ADGRV1: variants seen among roughly 807,000 people sequenced by gnomAD.
ADGRV1 encodes adhesion G protein-coupled receptor V1.
Under a neutral mutation model 596.2 loss-of-function variants are expected in ADGRV1, and 359 were observed. That is an observed-to-expected ratio of 0.60 (90% CI 0.55 to 0.66). The LOEUF (loss-of-function observed/expected upper bound fraction) is 0.66. ADGRV1 is among the 30% of genes least tolerant of loss of function. ADGRV1 has a pLI of 0.00. For synonymous variants in ADGRV1, 2,681 were observed against 2,679.2 expected, an observed-to-expected ratio of 1.00 and a Z score of -0.02; for missense variants, 7,274 against 7,575.6, an observed-to-expected ratio of 0.96 and a Z score of 1.48.
intron 65 of ADGRV1, among the ~76,000 whole-genome samples, chr5:90,781,991 C>T (rs1411550269): frequency 6.6e-6 from 1 of 152,014 alleles, no homozygotes; most frequent in African/African-American, 2.4e-5. Context: ...TATCTGGATC[C>T]TTGATCTTGC....
intron 70 of ADGRV1, among the ~76,000 whole-genome samples, chr5:90,793,650 A>T (rs1760335097): frequency 6.6e-6 from 1 of 152,190 alleles, no homozygotes; most frequent in Non-Finnish European, 1.5e-5. Flanking sequence ...TTTTCATTTC[A>T]TTTGAAAGCT....
rs1580887937 is a variant in ADGRV1 at position 90,725,579 on chromosome 5, C to G, written c.10084C>G (p.Gln3362Glu). 6.3e-7 allele frequency: 1 copy of G among 1,576,418 alleles called. No individual in the cohort carries two copies. The highest frequency in any genetic ancestry group is 8.7e-7 in the Non-Finnish European group (1 of 1,146,494). Reference protein sequence around the residue: ...VQTIIILESSQVRYFTSDSQD... With the variant: ...VQTIIILESSEVRYFTSDSQD... Reference sequence around the variant, plus strand: ...AACAATCATTATTCTGGAAAGTTCTCAAGTAAGATATTTTACTTCAGACAG... The same window carrying G: ...AACAATCATTATTCTGGAAAGTTCTGAAGTAAGATATTTTACTTCAGACAG... The change falls in exon 48 of 90, where the codon CAA becomes GAA. Residue 3362 changes from glutamine (Q) to glutamate (E), a missense_variant. Gln to Glu is a conservative substitution (Grantham distance 29). This residue lies in a region of ADGRV1 where 3,643 missense variants were observed against 3,809.2 expected (regional missense o/e 0.96). Transcript: ENST00000405460.
intron 86 of ADGRV1, among the ~76,000 whole-genome samples, chr5:91,083,402 A>G (rs1449995358): frequency 6.6e-6 from 1 of 152,170 alleles, no homozygotes; most frequent in African/African-American, 2.4e-5. Context: ...AATAAAAAGA[A>G]AAAAAATTAA....
intron 87 of ADGRV1, among the ~76,000 whole-genome samples, chr5:91,144,169 C>T (rs1795342010): frequency 6.6e-6 from 1 of 152,146 alleles, no homozygotes; most frequent in Non-Finnish European, 1.5e-5. Flanking sequence ...CTGCTGCCAG[C>T]CCCCCACCAG....
At chr5:91,123,535 C>T (rs1793504419) in intron 87 of ADGRV1, among the ~76,000 whole-genome samples, 1 of 152,138 alleles carries the variant, frequency 6.6e-6, no homozygotes, top group Non-Finnish European at 1.5e-5. Context: ...ATGACCTAAT[C>T]ACCTCCTAAG....
intron 70 of ADGRV1, among the ~76,000 whole-genome samples, chr5:90,795,328 A>G (rs1760574671): frequency 6.6e-6 from 1 of 152,178 alleles, no homozygotes; most frequent in African/African-American, 2.4e-5. Context: ...AGGAGCGTCC[A>G]CCATGGCTGA....
chr5:90,691,390 T>TC (rs1382008318), intron 31 of ADGRV1, among the ~76,000 whole-genome samples: 3 of 149,334 alleles, frequency 2.0e-5, no homozygotes, highest in Admixed American at 6.7e-5. Context: ...TTTTCTTTTT[T>TC]TTTTTTTTTT....
chr5:90,845,600 G>T (rs1254181066), intron 78 of ADGRV1, among the ~76,000 whole-genome samples: 1 of 150,348 alleles, frequency 6.7e-6, no homozygotes, highest in Non-Finnish European at 1.5e-5. Context: ...TTTCTGGTAT[G>T]ATTTTTTTTT....
In ADGRV1 at chr5:90,679,608, C is replaced by T. The variant is rs1488660601; in HGVS notation, c.5503C>T (p.Leu1835Phe). The change falls in exon 26 of 90, where the codon CTT becomes TTT. Residue 1835 changes from leucine (L) to phenylalanine (F), a missense_variant. By Grantham distance (22) the Leu-to-Phe change is conservative. This residue lies in a region of ADGRV1 where 3,643 missense variants were observed against 3,809.2 expected (regional missense o/e 0.96). Coordinates refer to ENST00000405460, the MANE Select transcript of ADGRV1 (RefSeq NM_032119.4). ...TGGTGATGGGGACATGGAATTCTTC[C>T]TTCCAACTATTCACAAACGTGGTAA... Reference protein sequence around the residue: ...GSGDGDMEFFLPTIHKRASLG... With the variant: ...GSGDGDMEFFFPTIHKRASLG... The T allele has an allele frequency of 6.2e-7, 1 of 1,613,362 alleles. No homozygotes were observed. The highest frequency in any genetic ancestry group is 1.7e-5 in the Admixed American group (1 of 59,978).
Position 90,694,256 on chromosome 5 carries a change from G to T in ADGRV1, c.7500G>T (p.Gly2500=), listed in dbSNP as rs1205816831. Residue 2500 remains glycine (G), a synonymous_variant, in exon 33 of 90, where the codon GGG becomes GGT. Transcript: ENST00000405460. ...ASLFSGQAVA[G]SDYEPVTRQW... ...TTTTTAGTGGTCAGGCTGTGGCTGG[G>T]AGTGACTATGAGCCTGTGACAAGGC... is the stretch of plus-strand genomic sequence containing the variant. The T allele has an allele frequency of 9.9e-6, 16 of 1,613,864 alleles. No individual in the cohort carries two copies.
At chr5:90,770,675 A>G (rs909573496) in intron 59 of ADGRV1, among the ~76,000 whole-genome samples, 1 of 152,140 alleles carries the variant, frequency 6.6e-6, no homozygotes, top group South Asian at 2.1e-4. Flanking sequence ...CTGTAAAAAT[A>G]TATGTGCTCA....
intron 85 of ADGRV1, among the ~76,000 whole-genome samples, chr5:91,004,825 G>A (rs986261926): frequency 1.6e-4 from 24 of 152,116 alleles, no homozygotes; most frequent in Non-Finnish European, 1.6e-4. Flanking sequence ...AGATAGAAGC[G>A]AGGGGGAGGG....
chr5:90,880,446 G>C (rs1248718907), intron 83 of ADGRV1, among the ~76,000 whole-genome samples: 1 of 152,174 alleles, frequency 6.6e-6, no homozygotes, highest in African/African-American at 2.4e-5. Flanking sequence ...TTTGAGCAAA[G>C]AAAACATCAG....
At chr5:91,079,866 G>A (rs1025693391) in intron 86 of ADGRV1, among the ~76,000 whole-genome samples, 1 of 152,122 alleles carries the variant, frequency 6.6e-6, no homozygotes, top group East Asian at 1.9e-4. Context: ...ATAGAGCATG[G>A]ATATGGGACG....
intron 83 of ADGRV1, among the ~76,000 whole-genome samples, chr5:90,929,816 T>G (rs950799579): frequency 6.6e-6 from 1 of 152,240 alleles, no homozygotes; most frequent in Non-Finnish European, 1.5e-5. Flanking sequence ...TGACTACCTT[T>G]AAGTTGTTGA....
At chr5:90,817,502 G>A (rs1763018588) in intron 75 of ADGRV1, among the ~76,000 whole-genome samples, 1 of 151,546 alleles carries the variant, frequency 6.6e-6, no homozygotes, top group Admixed American at 6.6e-5. Context: ...CCTGTGTCCT[G>A]AATGGTAATG....
intron 87 of ADGRV1, among the ~76,000 whole-genome samples, chr5:91,148,481 G>A (rs1296496532): frequency 6.6e-6 from 1 of 152,208 alleles, no homozygotes; most frequent in Non-Finnish European, 1.5e-5. Flanking sequence ...TCCACATGGT[G>A]CTGGTCCTGT....
chr5:90,667,750 G>T (rs1410203636), intron 21 of ADGRV1, among the ~76,000 whole-genome samples: 1 of 152,170 alleles, frequency 6.6e-6, no homozygotes, highest in Non-Finnish European at 1.5e-5. Context: ...TTTATCTACT[G>T]TTGGTCTTTG....
At chr5:91,061,279 C>A (rs1420370550) in intron 85 of ADGRV1, among the ~76,000 whole-genome samples, 1 of 152,156 alleles carries the variant, frequency 6.6e-6, no homozygotes, top group East Asian at 1.9e-4. Context: ...GGGCTTGATT[C>A]ACTGGAACCT....
Sources: allele counts gnomAD v4.1 joint callset (sites outside exome capture counted in the v4.1 genomes callset), GRCh38; gene constraint gnomAD v4.1.1; regional missense constraint gnomAD v4.1.1; transcripts MANE v1.5; gene names NCBI Gene and HGNC (gene_info 2026-07-23, HGNC 2026-07-21).